OR51B5: variants seen among roughly 807,000 people sequenced by gnomAD.
The protein encoded by OR51B5 is olfactory receptor 51B5.
For missense variants in OR51B5, 456 were observed against 374.6 expected, an observed-to-expected ratio of 1.22 and a Z score of -1.79; for synonymous variants, 186 against 144.8, an observed-to-expected ratio of 1.28 and a Z score of -2.04.
chr11:5,378,156 G>A (rs539759373), intron 1 of OR51B5, among the ~76,000 whole-genome samples: 1,820 of 151,242 alleles, frequency 0.012, 13 homozygotes, highest in Non-Finnish European at 0.017. Flanking sequence ...AAATAACGAC[G>A]CATATCTACA....
intron 1 of OR51B5, chr11:5,422,174 C>T (rs1421975492): frequency 6.6e-7 from 1 of 1,506,838 alleles, no homozygotes; most frequent in Non-Finnish European, 9.1e-7. Context: ...AGTGAAGATC[C>T]TGAATCTGAA....
intron 1 of OR51B5, among the ~76,000 whole-genome samples, chr11:5,367,833 T>C (rs936323944): frequency 2.0e-5 from 3 of 152,202 alleles, no homozygotes; most frequent in Non-Finnish European, 2.9e-5. Flanking sequence ...ACTTGCACAA[T>C]ATATGCATTC....
chr11:5,442,046 T>G (rs1850696876), intron 1 of OR51B5, among the ~76,000 whole-genome samples: 1 of 152,178 alleles, frequency 6.6e-6, no homozygotes, highest in Non-Finnish European at 1.5e-5. Context: ...CCTTCCAACC[T>G]TCTCATGCCC....
At chr11:5,392,117 C>T (rs1849804353) in intron 1 of OR51B5, 1 of 152,126 alleles carries the variant, frequency 6.6e-6, no homozygotes, top group African/African-American at 2.4e-5. Flanking sequence ...AAGAACCAAA[C>T]TCTAAAAATA....
At chr11:5,383,206 G>A (rs11037127) in intron 1 of OR51B5, among the ~76,000 whole-genome samples, 37,826 of 152,128 alleles carry the variant, frequency 0.25, 5,867 homozygotes, top group Non-Finnish European at 0.34. Context: ...ATTCAAAGAT[G>A]AAGTAGAGAG....
At chr11:5,377,427 T>A (rs1332270071) in intron 1 of OR51B5, among the ~76,000 whole-genome samples, 1 of 152,184 alleles carries the variant, frequency 6.6e-6, no homozygotes, top group Non-Finnish European at 1.5e-5. Context: ...CTCTCACTAC[T>A]CCTATTCAAC....
rs551956974 is a variant in OR51B5 at position 5,450,342 on chromosome 11, T to A, written n.84+55227A>T. ...AGACAGAGGTTGCAGTGAGCCAAGA[T>A]TGCACCACTGCACTCCACCCTGGAT... On this transcript the variant is annotated intron_variant and non_coding_transcript_variant, in intron 1 of 4. Coordinates refer to the OR51B5 transcript ENST00000415970. Among the ~76,000 whole-genome samples, 38 of 152,150 alleles carry A rather than the reference T, an allele frequency of 2.5e-4. No homozygotes were observed. The South Asian group carries it at 7.1e-3, about 28-fold the overall frequency.
rs560444982 is a variant in OR51B5, at chr11:5,471,071, T to C, written n.84+34498A>G. On this transcript the variant is annotated intron_variant and non_coding_transcript_variant, in intron 1 of 4. Coordinates refer to the OR51B5 transcript ENST00000415970. ...TGTCGTCTTCCAATAATTCTGATCA[T>C]TCATTTCATTTCTTCTCATAATTTT... Among the ~76,000 whole-genome samples, 4 of 152,342 alleles carry C rather than the reference T, an allele frequency of 2.6e-5. No individual in the cohort carries two copies. The East Asian group carries it at 7.7e-4, about 29-fold the overall frequency.
intron 1 of OR51B5, among the ~76,000 whole-genome samples, chr11:5,382,387 G>C (rs1297389380): frequency 6.6e-6 from 1 of 152,088 alleles, no homozygotes; most frequent in Non-Finnish European, 1.5e-5. Context: ...TGTGGGCCAG[G>C]TGCTACCCAC....
chr11:5,477,068 C>A, intron 1 of OR51B5, among the ~76,000 whole-genome samples: 1 of 151,860 alleles, frequency 6.6e-6, no homozygotes, highest in Non-Finnish European at 1.5e-5. Flanking sequence ...GTGTTTTCAT[C>A]ATCATAAATA....
chr11:5,483,456 G>A (rs1335823376), intron 1 of OR51B5, among the ~76,000 whole-genome samples: 2 of 144,962 alleles, frequency 1.4e-5, no homozygotes, highest in East Asian at 2.2e-4. Flanking sequence ...ATGTATACAT[G>A]TGTAACTAAC....
At chr11:5,503,646 AT>A (rs1846330755) in intron 1 of OR51B5, among the ~76,000 whole-genome samples, 1 of 152,230 alleles carries the variant, frequency 6.6e-6, no homozygotes, top group African/African-American at 2.4e-5. Flanking sequence ...GTCATTAAAT[AT>A]TTCAAAGTTA....
chr11:5,394,150 A>T (rs1485478672), intron 1 of OR51B5, among the ~76,000 whole-genome samples: 1 of 152,150 alleles, frequency 6.6e-6, no homozygotes, highest in Non-Finnish European at 1.5e-5. Flanking sequence ...TCTATTTTGC[A>T]TATCATGGTT....
intron 1 of OR51B5, chr11:5,422,257 C>A: frequency 6.2e-7 from 1 of 1,614,072 alleles, no homozygotes. Context: ...TCACGGACAT[C>A]CCTGGATTTG....
intron 1 of OR51B5, among the ~76,000 whole-genome samples, chr11:5,400,223 G>A (rs1214373193): frequency 2.0e-5 from 3 of 152,108 alleles, no homozygotes; most frequent in Admixed American, 6.5e-5. Flanking sequence ...AATCTACTAT[G>A]TTACGTTGTA....
chr11:5,406,943 G>A (rs1322329981), intron 1 of OR51B5, among the ~76,000 whole-genome samples: 1 of 152,046 alleles, frequency 6.6e-6, no homozygotes, highest in Non-Finnish European at 1.5e-5. Context: ...AATGCATAAT[G>A]ACAGTGAAAA....
At chr11:5,399,668 T>G (rs910114105) in intron 1 of OR51B5, among the ~76,000 whole-genome samples, 3 of 151,794 alleles carry the variant, frequency 2.0e-5, no homozygotes, top group South Asian at 4.2e-4. Flanking sequence ...AAACAAATCC[T>G]AAACTCAGGA....
At position 5,422,395 on chromosome 11, in the gene OR51B5, C is replaced by T. The variant is rs377339215; in HGVS notation, n.85-75485G>A. 6.2e-6 allele frequency: 10 copies of T among 1,614,184 alleles called. No individual in the cohort carries two copies. In the South Asian group the frequency reaches 9.9e-5, roughly 16 times the overall value. ...TCCACCAGCGCATGTATCTGTTTCT[C>T]TCCATGCTGGCCCTGACGGACCTGG... is the stretch of plus-strand genomic sequence containing the variant. On this transcript the variant is annotated intron_variant and non_coding_transcript_variant, in intron 1 of 4. Coordinates refer to the OR51B5 transcript ENST00000415970.
chr11:5,397,986 G>A (rs1238181434), intron 1 of OR51B5, among the ~76,000 whole-genome samples: 2 of 152,094 alleles, frequency 1.3e-5, no homozygotes, highest in African/African-American at 2.4e-5. Flanking sequence ...TCACTCATAG[G>A]TGGGAACTGA....
Sources: gnomAD v4.1 joint callset for allele counts (sites outside exome capture counted in the v4.1 genomes callset) on GRCh38, gnomAD v4.1.1 for gene constraint, MANE v1.5 for transcripts, NCBI Gene and HGNC (gene_info 2026-07-23, HGNC 2026-07-21) for gene names.